Variants in SLC6A12 observed in about 807,000 individuals in gnomAD.
SLC6A12 encodes the protein sodium- and chloride-dependent betaine transporter.
Under a neutral mutation model 73.3 loss-of-function variants are expected in SLC6A12, and 50 were observed. That is an observed-to-expected ratio of 0.68 (90% CI 0.54 to 0.86). The LOEUF is 0.86. SLC6A12 is among the 40% of genes least tolerant of loss of function. The pLI is 0.00. For missense variants in SLC6A12, 648 were observed against 772.8 expected, an observed-to-expected ratio of 0.84 and a Z score of 1.92; for synonymous variants, 304 against 309.2, an observed-to-expected ratio of 0.98 and a Z score of 0.18.
In SLC6A12 at chr12:193,261, G is replaced by C. The variant is rs757538971; in HGVS notation, c.1530+16C>G. 25 of 1,574,062 alleles carry C rather than the reference G, an allele frequency of 1.6e-5. No homozygotes were observed. The highest frequency in any genetic ancestry group is 5.5e-5 in the South Asian group (5 of 90,308). ...GGGGGCAGGAAGGAATAGAGGGGCA[G>C]CTGGTGGGCACATACCAGGCAAAGT... On this transcript the variant is annotated intron_variant, in intron 14 of 15. Transcript: ENST00000684302.
intron 6 of SLC6A12, chr12:201,167 T>C (rs1325411917): frequency 4.7e-6 from 1 of 211,362 alleles, no homozygotes; most frequent in African/African-American, 2.3e-5. Flanking sequence ...TGGAACTGCA[T>C]GCATGGGTGT....
intron 14 of SLC6A12, 45 bp from the exon 15 acceptor site, chr12:192,693 G>A (rs528428292): frequency 6.3e-7 from 1 of 1,581,232 alleles, no homozygotes; most frequent in Non-Finnish European, 8.7e-7. Context: ...GGGGGCGACT[G>A]AAACCCTCTC....
intron 3 of SLC6A12, among the ~76,000 whole-genome samples, chr12:209,396 G>A (rs938790623): frequency 1.3e-5 from 2 of 152,068 alleles, no homozygotes; most frequent in African/African-American, 4.8e-5. Context: ...GGTGGCACAC[G>A]GAATGTGTTC....
chr12:186,669 G>A (rs1485361214), downstream of SLC6A12, among the ~76,000 whole-genome samples: 1 of 152,226 alleles, frequency 6.6e-6, no homozygotes, highest in Non-Finnish European at 1.5e-5. Flanking sequence ...TCTCTATTGG[G>A]CCAACTGTCC....
At position 190,913 on chromosome 12, in the gene SLC6A12, G is replaced by T. The variant is rs561524303; in HGVS notation, c.*155C>A. On this transcript the variant is annotated 3_prime_UTR_variant, in exon 16 of 16. Coordinates refer to ENST00000684302, the MANE Select transcript of SLC6A12 (RefSeq NM_001122848.3). The stretch of plus-strand genomic sequence containing the variant: ...AGGAGCTGCTCCAGCTAGCACAAGA[G>T]AGGAGTCTGGCCTCCAGCTGGGGGT... 121 of 500,742 alleles carry T rather than the reference G, an allele frequency of 2.4e-4. 2 individuals are homozygous for T. The highest frequency in any genetic ancestry group is 2.3e-3 in the African/African-American group (117 of 50,550). 31.0% of individuals were successfully genotyped at this position (500,742 alleles called of 1,614,324 possible).
chr12:193,275 A>G lies in SLC6A12; in HGVS notation c.1530+2T>C. 1 of 1,609,292 alleles carries G rather than the reference A, an allele frequency of 6.2e-7. No homozygotes were observed. Among genetic ancestry groups the G allele is most frequent in the Non-Finnish European group, 8.5e-7 (1 of 1,175,658 alleles). ...ATAGAGGGGCAGCTGGTGGGCACAT[A>G]CCAGGCAAAGTCCAGGGGTCAGGAA... On this transcript the variant is annotated splice_donor_variant, in intron 14 of 15. Coordinates refer to ENST00000684302, the MANE Select transcript of SLC6A12 (RefSeq NM_001122848.3). LOFTEE classifies it high-confidence loss of function.
chr12:190,979 G>C lies in SLC6A12; in HGVS notation c.*89C>G. 1.8e-6 allele frequency: 2 copies of C among 1,127,830 alleles called. No individual in the cohort carries two copies. Among genetic ancestry groups the C allele is most frequent in the Non-Finnish European group, 2.3e-6 (2 of 884,616 alleles). 69.9% of individuals were successfully genotyped at this position (1,127,830 alleles called of 1,614,324 possible). A position where few individuals can be genotyped will look rare whatever the true frequency, so the allele number is the denominator to read the frequency against. ...GAGGTTCCCAGCAGGATTGTGGCAG[G>C]AGACAGAGGCAGAGGCTGTCCGCTG... On this transcript the variant is annotated 3_prime_UTR_variant, in exon 16 of 16. Transcript: ENST00000684302.
intron 7 of SLC6A12, among the ~76,000 whole-genome samples, chr12:199,923 A>G (rs573292490): frequency 1.3e-5 from 2 of 152,290 alleles, no homozygotes; most frequent in South Asian, 4.1e-4. Flanking sequence ...CAAGTGAGTC[A>G]TAAGAGCGTG....
At chr12:186,397 G>A (rs113413543), downstream of SLC6A12, among the ~76,000 whole-genome samples, 6 of 152,322 alleles carry the variant, frequency 3.9e-5, no homozygotes, top group African/African-American at 1.4e-4. Flanking sequence ...ATCTACTGCT[G>A]TGTAAAAAAT....
At chr12:202,926 T>G (rs1236901716) in intron 4 of SLC6A12, 46 bp from the exon 5 acceptor site, 1 of 1,587,508 alleles carries the variant, frequency 6.3e-7, no homozygotes, top group East Asian at 2.2e-5. Context: ...GAGATCAATG[T>G]TAGCAAAAAA....
Position 201,858 on chromosome 12 carries a change from G to C in SLC6A12, c.491-9C>G. 6.2e-7 allele frequency: 1 copy of C among 1,612,212 alleles called. No homozygotes were observed. Among genetic ancestry groups the C allele is most frequent in the Non-Finnish European group, 8.5e-7 (1 of 1,178,276 alleles). On this transcript the variant is annotated splice_polypyrimidine_tract_variant and intron_variant, in intron 5 of 15. Transcript: ENST00000684302. ...AAAGTCCGTGCAATGCTCTGTTGGG[G>C]ACAAGGTTAGGGACAAGATGGAGAG... is the stretch of plus-strand genomic sequence containing the variant.
intron 3 of SLC6A12, among the ~76,000 whole-genome samples, chr12:207,868 G>A (rs987071135): frequency 6.6e-6 from 1 of 152,142 alleles, no homozygotes; most frequent in African/African-American, 2.4e-5. Flanking sequence ...TCTTTCCCAA[G>A]AGTTAGGCTG....
Position 198,543 on chromosome 12 carries a change from G to A in SLC6A12, c.846+254C>T, listed in dbSNP as rs1940041618. ...GGCACCACTGCACTCCAGCCTGGGG[G>A]ACAGAGCCAGACCCTGCCTGTCTCT... On this transcript the variant is annotated intron_variant, in intron 8 of 15. Transcript: ENST00000684302. The surrounding 1 kb of genome is among the most constrained non-coding windows in gnomAD (Gnocchi z 4.0). 3 of 367,760 alleles carry A rather than the reference G, an allele frequency of 8.2e-6. No homozygotes were observed. The highest frequency in any genetic ancestry group is 1.5e-5 in the Non-Finnish European group (3 of 203,022). The allele number at this position is 367,760 out of a possible 1,614,324, so 22.8% of individuals were successfully genotyped here.
downstream of SLC6A12, among the ~76,000 whole-genome samples, chr12:189,379 C>T (rs770206980): frequency 4.7e-4 from 72 of 152,318 alleles, no homozygotes; most frequent in Admixed American, 8.5e-4. Context: ...CTTCTCTTTC[C>T]CCTGGGCCTC....
chr12:206,104 A>T (rs117988736), intron 3 of SLC6A12, among the ~76,000 whole-genome samples: 215 of 152,282 alleles, frequency 1.4e-3, no homozygotes, highest in Non-Finnish European at 2.3e-3. Context: ...AGCCACTTTA[A>T]CTGTTCTTAA....
chr12:193,290 G>A lies in SLC6A12; in HGVS notation c.1517C>T (p.Pro506Leu). The part of the protein sequence containing the change: ...LVKISWLFLT[P>L]GLCLATFLFS... ...GTGGGCACATACCAGGCAAAGTCCA[G>A]GGGTCAGGAAGAGCCAGGAGATCTT... Residue 506 changes from proline to leucine, a missense_variant, in exon 14 of 16, where the codon CCT (proline) becomes CTT (leucine). Transcript: ENST00000684302. 1 of 1,612,922 alleles carries A rather than the reference G, an allele frequency of 6.2e-7. No homozygotes were observed. Among genetic ancestry groups the A allele is most frequent in the Non-Finnish European group, 8.5e-7 (1 of 1,179,000 alleles).
intron 7 of SLC6A12, 29 bp downstream of exon 7, chr12:200,622 G>T (rs758927857): frequency 6.2e-7 from 1 of 1,610,030 alleles, no homozygotes; most frequent in South Asian, 1.1e-5. Flanking sequence ...GGGGCCAAAG[G>T]GAGCTTCCCA....
At chr12:210,303 G>T in intron 2 of SLC6A12, 1 of 1,203,420 alleles carries the variant, frequency 8.3e-7, no homozygotes, top group Non-Finnish European at 1.1e-6. Flanking sequence ...GAAAACTCAG[G>T]CTCGGGCTTT....
chr12:208,044 C>A lies in SLC6A12; in HGVS notation c.214+1729G>T, dbSNP rs537640096. 2.1e-3 allele frequency among the ~76,000 whole-genome samples: 316 copies of A among 152,320 alleles called. 1 individual carries two copies. Among genetic ancestry groups the A allele is most frequent in the African/African-American group, 7.5e-3 (310 of 41,560 alleles). On this transcript the variant is annotated intron_variant, in intron 3 of 15. Transcript: ENST00000684302. The stretch of plus-strand genomic sequence containing the variant: ...CGACACCGCGGCCCTGCCTCCCAGG[C>A]CCTAGTGCTGTCTCCCTCCCAGATG...
Sources: allele counts gnomAD v4.1 joint callset (sites outside exome capture counted in the v4.1 genomes callset), GRCh38; gene constraint gnomAD v4.1.1; non-coding constraint Gnocchi (gnomAD v3.1); transcripts MANE v1.5; gene names NCBI Gene and HGNC (gene_info 2026-07-23, HGNC 2026-07-21).